Variants in CASR observed in about 807,000 individuals in gnomAD.
CASR encodes extracellular calcium-sensing receptor.
CASR carries 23 observed loss-of-function variants against 69.1 expected under a neutral mutation model. The observed-to-expected ratio is 0.33, with a 90% CI of 0.24 to 0.47. CASR has a LOEUF of 0.47. Ranked by LOEUF, CASR falls within the 20% of genes least tolerant of loss-of-function variation. The pLI is 1.00. For synonymous variants in CASR, 541 were observed against 544.7 expected (o/e 0.99, Z 0.10); for missense variants, 924 against 1,356.1 (o/e 0.68, Z 5.00).
intron 1 of CASR, among the ~76,000 whole-genome samples, chr3:122,195,007 G>GCTCCTCCTACTTCCTGCTC: frequency 6.7e-6 from 1 of 150,276 alleles, no homozygotes; most frequent in South Asian, 2.1e-4. Context: ...CCTACTTCCT[G>GCTCCTCCTACTTCCTGCTC]CTCCTCCTCC....
rs2107625126 is a variant in CASR at position 122,254,391 on chromosome 3, A to G, written c.185+17A>G. 2 of 1,610,302 alleles carry G rather than the reference A, an allele frequency of 1.2e-6. No individual in the cohort carries two copies. The highest frequency in any genetic ancestry group is 1.7e-6 in the Non-Finnish European group (2 of 1,176,570). On this transcript the variant is annotated intron_variant, in intron 2 of 6. Coordinates refer to ENST00000639785, the MANE Select transcript of CASR (RefSeq NM_000388.4). ...ATGTATCAGGTAAGAAGAGGGGCCT[A>G]ATCTGCCAATCTCTTCTCTTCTGAG...
chr3:122,186,778 G>A (rs1417832979), intron 1 of CASR, among the ~76,000 whole-genome samples: 6 of 152,316 alleles, frequency 3.9e-5, no homozygotes, highest in Admixed American at 3.3e-4. Context: ...GAGGAAGGTT[G>A]AGGATATATT....
intron 4 of CASR, 113 bp from the exon 5 acceptor site, chr3:122,275,699 C>T: frequency 1.3e-6 from 1 of 775,548 alleles, no homozygotes; most frequent in South Asian, 1.4e-5. Context: ...AAGTCACGTT[C>T]CTCCCACTTT....
chr3:122,258,413 A>C (rs2074580711), intron 3 of CASR, among the ~76,000 whole-genome samples: 1 of 148,316 alleles, frequency 6.7e-6, no homozygotes, highest in African/African-American at 2.5e-5. Flanking sequence ...TACATGAGAC[A>C]AGAGATAGTT....
intron 1 of CASR, among the ~76,000 whole-genome samples, chr3:122,215,549 A>T (rs1339947701): frequency 1.3e-5 from 2 of 152,244 alleles, no homozygotes; most frequent in African/African-American, 4.8e-5. Flanking sequence ...ACACAAATTT[A>T]AAGGTTTTTT....
chr3:122,224,632 G>A (rs2074204909), intron 1 of CASR, among the ~76,000 whole-genome samples: 1 of 152,110 alleles, frequency 6.6e-6, no homozygotes, highest in South Asian at 2.1e-4. Context: ...GCAATTTACA[G>A]AGTTAATGCT....
At chr3:122,278,886 G>A (rs1041847132) in intron 5 of CASR, among the ~76,000 whole-genome samples, 4 of 152,104 alleles carry the variant, frequency 2.6e-5, no homozygotes, top group African/African-American at 9.7e-5. Context: ...ATAGGCCCTC[G>A]TTATTTATAC....
chr3:122,262,362 C>A lies in CASR; in HGVS notation c.1327C>A (p.Leu443Ile), dbSNP rs267599574. The A allele has an allele frequency of 1.5e-5, 24 of 1,613,870 alleles. No individual in the cohort carries two copies. Among genetic ancestry groups the A allele is most frequent in the Non-Finnish European group, 1.9e-5 (23 of 1,180,012 alleles). The change falls in exon 4 of 7, where the codon CTC (leucine) becomes ATC (isoleucine). Residue 443 changes from leucine to isoleucine, a missense_variant. Physicochemically the swap from Leu to Ile is conservative, Grantham distance 5 (BLOSUM62 2). Coordinates refer to ENST00000639785, the MANE Select transcript of CASR (RefSeq NM_000388.4). ...ATATACCTGCTTACCTGGGAGAGGG[C>A]TCTTCACCAATGGCTCCTGTGCAGA... The part of the protein sequence containing the change: ...DIYTCLPGRG[L>I]FTNGSCADIK...
At chr3:122,184,466 G>T (rs1040110153) in intron 1 of CASR, 3 of 152,526 alleles carry the variant, frequency 2.0e-5, no homozygotes, top group Admixed American at 1.3e-4. Context: ...GCTCATCCTC[G>T]TGGAGACCCA....
chr3:122,284,741 G>T lies in CASR; in HGVS notation c.2787G>T (p.Arg929Ser). ...NSEDPFPQPE[R>S]QKQQQPLALT... ...AAGACCCATTCCCACAGCCCGAGAG[G>T]CAGAAGCAGCAGCAGCCGCTGGCCC... The change falls in exon 7 of 7, where the codon AGG becomes AGT. Residue 929 changes from arginine to serine, a missense_variant. Arg to Ser is a moderately radical substitution (Grantham distance 110, BLOSUM62 -1). This residue lies in a region of CASR where 201 missense variants were observed against 228.8 expected (regional missense o/e 0.88). Coordinates refer to ENST00000639785, the MANE Select transcript of CASR (RefSeq NM_000388.4). 1 of 1,614,154 alleles carries T rather than the reference G, an allele frequency of 6.2e-7. No individual in the cohort carries two copies.
chr3:122,226,032 A>G (rs1453391898), intron 1 of CASR, among the ~76,000 whole-genome samples: 1 of 151,988 alleles, frequency 6.6e-6, no homozygotes. Flanking sequence ...TTGAATTCAC[A>G]TGGGCACAAA....
chr3:122,227,702 TGAGGGCTGC>T (rs2074238351), intron 1 of CASR, among the ~76,000 whole-genome samples: 1 of 148,606 alleles, frequency 6.7e-6, no homozygotes, highest in Admixed American at 6.7e-5. Flanking sequence ...CGAGAGTGAG[TGAGGGCTGC>T]GAGGGCTGCC....
At chr3:122,224,136 C>A (rs753597622) in intron 1 of CASR, among the ~76,000 whole-genome samples, 7 of 152,174 alleles carry the variant, frequency 4.6e-5, no homozygotes, top group Admixed American at 2.0e-4. Flanking sequence ...TGGAACAAGA[C>A]AAGGATGTCC....
At chr3:122,190,865 G>A (rs535572242) in intron 1 of CASR, among the ~76,000 whole-genome samples, 1 of 152,316 alleles carries the variant, frequency 6.6e-6, no homozygotes, top group African/African-American at 2.4e-5. Context: ...AGCAGGGAAG[G>A]TATTATCTCC....
chr3:122,199,605 A>T (rs1459935468), intron 1 of CASR, among the ~76,000 whole-genome samples: 1 of 152,148 alleles, frequency 6.6e-6, no homozygotes, highest in Non-Finnish European at 1.5e-5. Context: ...ATAGTCCATA[A>T]TCTGTTACTT....
At chr3:122,191,613 A>G (rs771381859) in intron 1 of CASR, among the ~76,000 whole-genome samples, 4 of 152,176 alleles carry the variant, frequency 2.6e-5, no homozygotes, top group Non-Finnish European at 5.9e-5. Context: ...TGCCTGGCCA[A>G]CGTTTAAAAT....
chr3:122,223,816 G>A (rs758071168), intron 1 of CASR, among the ~76,000 whole-genome samples: 3 of 151,886 alleles, frequency 2.0e-5, no homozygotes, highest in Non-Finnish European at 2.9e-5. Flanking sequence ...ACCTAATCCA[G>A]CAGCACATCA....
chr3:122,252,344 G>GAAGA (rs756437138), intron 1 of CASR, among the ~76,000 whole-genome samples: 2,525 of 48,050 alleles, frequency 0.053, 185 homozygotes, highest in East Asian at 0.2. Context: ...GAGAAAGAAA[G>GAAGA]AAGAAAGAAA....
chr3:122,253,357 G>A (rs546633392), intron 1 of CASR, among the ~76,000 whole-genome samples: 14 of 152,120 alleles, frequency 9.2e-5, no homozygotes, highest in South Asian at 4.1e-4. Context: ...TTCTCCTGCC[G>A]CAGCCTCCCA....
Sources: allele counts gnomAD v4.1 joint callset (sites outside exome capture counted in the v4.1 genomes callset), GRCh38; gene constraint gnomAD v4.1.1; regional missense constraint gnomAD v4.1.1; transcripts MANE v1.5; gene names NCBI Gene and HGNC (gene_info 2026-07-23, HGNC 2026-07-21).